The following CNOT1 variants were observed in gnomAD, a reference collection of about 807,000 sequenced individuals.
CNOT1 encodes the protein CCR4-associated factor 1.
CNOT1 carries 15 observed loss-of-function variants against 273.8 expected under a neutral mutation model. That is an observed-to-expected ratio of 0.05 (90% CI 0.04 to 0.08). The LOEUF is 0.08. Among genes scored for constraint, CNOT1 ranks in the 10% least tolerant of loss-of-function variants. The pLI, the probability that CNOT1 is intolerant of heterozygous loss-of-function variation, is 1.00. For synonymous variants in CNOT1, 1,022 were observed against 1,005.5 expected, an observed-to-expected ratio of 1.02 and a Z score of -0.31; for missense variants, 1,644 against 2,912.2, an observed-to-expected ratio of 0.56 and a Z score of 10.02.
At chr16:58,522,555 AGT>A (rs10701404) in intron 47 of CNOT1, among the ~76,000 whole-genome samples, 20 of 151,600 alleles carry the variant, frequency 1.3e-4, no homozygotes, top group African/African-American at 4.1e-4. Flanking sequence ...CAATTTTTAA[AGT>A]GTGTGTGTGT....
At chr16:58,538,609 T>G (rs1053138203) in intron 36 of CNOT1, among the ~76,000 whole-genome samples, 163 bp downstream of exon 36, 3 of 152,104 alleles carry the variant, frequency 2.0e-5, no homozygotes, top group Admixed American at 2.0e-4. Flanking sequence ...AGAGACCAGA[T>G]GGAAAACAAC....
Position 58,538,879 on chromosome 16 carries a change from A to C in CNOT1, c.5028T>G (p.Ala1676=), listed in dbSNP as rs765479681. 1.3e-5 allele frequency: 21 copies of C among 1,609,794 alleles called. No individual in the cohort carries two copies. The highest frequency in any genetic ancestry group is 1.4e-5 in the Non-Finnish European group (16 of 1,179,342). ...VEGLLDATSG[A]DADLLLRYRE... is the part of the protein sequence containing the mutation. ...TGTAGCGCAGCAGAAGGTCAGCATC[A>C]GCACCACTTGTGGCATCTAGTAAGC... The change falls in exon 36 of 49, where the codon GCT becomes GCG. Residue 1676 remains alanine, a synonymous_variant. Transcript: ENST00000317147.
chr16:58,629,081 G>A (rs1211683412), intron 1 of CNOT1, among the ~76,000 whole-genome samples: 1 of 152,258 alleles, frequency 6.6e-6, no homozygotes, highest in Non-Finnish European at 1.5e-5. Context: ...GCGCCCAGGC[G>A]CGCGAGTGGA....
At position 58,537,257 on chromosome 16, in the gene CNOT1, CGTAGTT is replaced by C. The variant is rs140027782; in HGVS notation, c.5415-43_5415-38del. 3.0e-3 allele frequency: 4,659 copies of C among 1,541,640 alleles called. 108 individuals carry two copies. The African/African-American group carries it at 0.057, about 19-fold the overall frequency. On this transcript the variant is annotated intron_variant, in intron 38 of 48. Transcript: ENST00000317147. Reference sequence around the variant, plus strand: ...AATAAAGGGTGAAAATCAGTCTCCTCGTAGTTGTGATTTTACAGACATACGCATGTA... The same window carrying C: ...AATAAAGGGTGAAAATCAGTCTCCTCGTGATTTTACAGACATACGCATGTA...
intron 16 of CNOT1, among the ~76,000 whole-genome samples, chr16:58,567,026 C>T (rs1157781969): frequency 1.3e-5 from 2 of 151,894 alleles, no homozygotes; most frequent in South Asian, 2.1e-4. Flanking sequence ...TGGTGGCATG[C>T]GTCTATAGGA....
At chr16:58,592,883 A>T (rs2042110959) in intron 2 of CNOT1, among the ~76,000 whole-genome samples, 1 of 152,182 alleles carries the variant, frequency 6.6e-6, no homozygotes, top group Non-Finnish European at 1.5e-5. Flanking sequence ...AATATCTGTG[A>T]TTAACCATCT....
intron 16 of CNOT1, among the ~76,000 whole-genome samples, chr16:58,565,239 A>G (rs1377866310): frequency 6.6e-6 from 1 of 151,996 alleles, no homozygotes; most frequent in Non-Finnish European, 1.5e-5. Context: ...CAGCCTCCCC[A>G]GCTGCTGGGA....
At chr16:58,576,407 G>A (rs556615985) in intron 14 of CNOT1, 56 bp downstream of exon 14, 265 of 1,608,252 alleles carry the variant, frequency 1.6e-4, no homozygotes, top group African/African-American at 1.4e-3. Context: ...CACCGCGCCC[G>A]GCCTTTTTTT....
In CNOT1 at chr16:58,587,202, G is replaced by A. The variant is rs148257324; in HGVS notation, c.432C>T (p.Phe144=). The change falls in exon 6 of 49, where the codon TTC becomes TTT. Residue 144 remains phenylalanine, a splice_region_variant and synonymous_variant. Transcript: ENST00000317147. The part of the protein sequence containing the change: ...LNSSSSDLRG[F]AAQFIKQKLP... ...ATATTTTTGGAAAAAGTAACTCACC[G>A]AAACCTCTAAGATCTGAGCTGGAAG... The A allele has an allele frequency of 8.8e-4, 1,425 of 1,611,688 alleles. 9 individuals are homozygous for A. Among genetic ancestry groups the A allele is most frequent in the Non-Finnish European group, 6.0e-4 (707 of 1,179,456 alleles).
At chr16:58,596,731 CA>C (rs1231625176) in intron 2 of CNOT1, among the ~76,000 whole-genome samples, 1 of 151,430 alleles carries the variant, frequency 6.6e-6, no homozygotes, top group Non-Finnish European at 1.5e-5. Context: ...ACTAAAAATA[CA>C]AAAAAATTAG....
intron 1 of CNOT1, 92 bp from the exon 2 acceptor site, chr16:58,599,603 T>G (rs1465267028): frequency 2.1e-6 from 1 of 480,976 alleles, no homozygotes; most frequent in African/African-American, 1.9e-5. Flanking sequence ...TACAACTAAT[T>G]GATCACAACT....
rs1373146168 is a variant in CNOT1 at position 58,629,778 on chromosome 16, T to TCCGGCTCTCCTCGACC, written c.-241_-226dup. The TCCGGCTCTCCTCGACC allele has an allele frequency of 6.6e-6, 1 of 152,394 alleles. No individual in the cohort carries two copies. The highest frequency in any genetic ancestry group is 1.5e-5 in the Non-Finnish European group (1 of 68,086). The allele number at this position is 152,394 out of a possible 1,614,324, so 9.4% of individuals were successfully genotyped here. On this transcript the variant is annotated 5_prime_UTR_variant, in exon 1 of 49. Coordinates refer to ENST00000317147, the MANE Select transcript of CNOT1 (RefSeq NM_016284.5). ...CACAGGAAACTCCTGGGTCCCCGAC[T>TCCGGCTCTCCTCGACC]CCGGCTCTCCTCGACCCCCTCTTCG...
chr16:58,625,871 A>AC (rs2043556181), intron 1 of CNOT1, among the ~76,000 whole-genome samples: 1 of 151,636 alleles, frequency 6.6e-6, no homozygotes, highest in East Asian at 1.9e-4. Context: ...AAAAAAAAAA[A>AC]AAAAAACTAT....
Position 58,599,067 on chromosome 16 carries a change from A to G in CNOT1, c.102+169T>C, listed in dbSNP as rs577662161. The G allele has an allele frequency of 1.2e-5, 10 of 811,596 alleles. No homozygotes were observed. The African/African-American group carries it at 1.4e-4, about 11-fold the overall frequency. 50.3% of individuals were successfully genotyped at this position (811,596 alleles called of 1,614,324 possible). ...CTCTGTCTCAAAAAAAAAAAAAAAA[A>G]AAAGATTGGGCTAAGAGCTCTTTTA... On this transcript the variant is annotated intron_variant, in intron 2 of 48. Coordinates refer to ENST00000317147, the MANE Select transcript of CNOT1 (RefSeq NM_016284.5).
intron 40 of CNOT1, among the ~76,000 whole-genome samples, chr16:58,533,499 G>A (rs540223674): frequency 1.9e-4 from 29 of 152,282 alleles, no homozygotes; most frequent in South Asian, 4.2e-4. Flanking sequence ...AGCCGGGCGC[G>A]GTGGCGGGTG....
chr16:58,607,110 G>A (rs2042709352), intron 1 of CNOT1, among the ~76,000 whole-genome samples: 1 of 152,082 alleles, frequency 6.6e-6, no homozygotes, highest in Admixed American at 6.6e-5. Context: ...CAGAACTCTT[G>A]AATAGCATGA....
At chr16:58,590,172 C>G (rs1352040171) in intron 2 of CNOT1, among the ~76,000 whole-genome samples, 1 of 152,200 alleles carries the variant, frequency 6.6e-6, no homozygotes, top group Non-Finnish European at 1.5e-5. Flanking sequence ...TTGCACTGAG[C>G]TTTCCTGGCT....
intron 14 of CNOT1, among the ~76,000 whole-genome samples, chr16:58,575,600 A>C (rs1410471909): frequency 6.6e-6 from 1 of 152,156 alleles, no homozygotes; most frequent in East Asian, 1.9e-4. Flanking sequence ...GGAGTTCAAG[A>C]CCAGCCTGGC....
intron 12 of CNOT1, among the ~76,000 whole-genome samples, chr16:58,580,096 G>A (rs2041603098): frequency 6.6e-6 from 1 of 152,030 alleles, no homozygotes; most frequent in South Asian, 2.1e-4. Flanking sequence ...TGTAATCCTA[G>A]CTACTCGGGA....
Sources: allele counts gnomAD v4.1 joint callset (sites outside exome capture counted in the v4.1 genomes callset), GRCh38; gene constraint gnomAD v4.1.1; transcripts MANE v1.5; gene names NCBI Gene and HGNC (gene_info 2026-07-23, HGNC 2026-07-21).